The following RIMBP2 variants were observed in gnomAD, a reference collection of about 807,000 sequenced individuals.
RIMBP2 encodes RIMS binding protein 2, also known as RIMS-binding protein 2.
Under a neutral mutation model 118.6 loss-of-function variants are expected in RIMBP2, and 48 were observed. The observed-to-expected ratio is 0.40, with a 90% CI of 0.32 to 0.51. The LOEUF (loss-of-function observed/expected upper bound fraction) is 0.51. Among genes scored for constraint, RIMBP2 ranks in the 20% least tolerant of loss-of-function variants. RIMBP2 has a pLI of 0.41. For missense variants in RIMBP2, 1,551 were observed against 1,768.3 expected (o/e 0.88, Z 2.20); for synonymous variants, 762 against 742.9 (o/e 1.03, Z -0.42).
chr12:130,651,542 G>A (rs34265609), intron 1 of RIMBP2: 24,119 of 152,218 alleles, frequency 0.16, 2,368 homozygotes, highest in Non-Finnish European at 0.22. Context: ...GCCTGCCCAC[G>A]GCACAGCCGT....
At chr12:130,524,585 T>C (rs2052561046) in intron 2 of RIMBP2, among the ~76,000 whole-genome samples, 2 of 152,204 alleles carry the variant, frequency 1.3e-5, no homozygotes, top group South Asian at 4.1e-4. Flanking sequence ...GAGGAGTTTG[T>C]ACTTTATTTA....
intron 2 of RIMBP2, among the ~76,000 whole-genome samples, chr12:130,522,806 G>C (rs893033549): frequency 1.3e-5 from 2 of 152,116 alleles, no homozygotes; most frequent in Non-Finnish European, 2.9e-5. Flanking sequence ...CCCCAAATTC[G>C]TACTTTGAAG....
chr12:130,537,815 G>T (rs1336316191), intron 2 of RIMBP2, among the ~76,000 whole-genome samples: 7 of 152,206 alleles, frequency 4.6e-5, no homozygotes, highest in Admixed American at 4.6e-4. Context: ...GCCTAGCATG[G>T]AGAAGTCATT....
intron 14 of RIMBP2, among the ~76,000 whole-genome samples, chr12:130,433,809 C>A: frequency 6.6e-6 from 1 of 152,222 alleles, no homozygotes; most frequent in East Asian, 1.9e-4. Flanking sequence ...AGACAGAACT[C>A]AGACCCCTGA....
chr12:130,590,131 C>A (rs2059163784), intron 2 of RIMBP2, among the ~76,000 whole-genome samples: 1 of 152,196 alleles, frequency 6.6e-6, no homozygotes, highest in East Asian at 1.9e-4. Flanking sequence ...GGAAGGCAAT[C>A]CCCACACCCA....
chr12:130,467,546 T>A (rs956101162), intron 6 of RIMBP2, among the ~76,000 whole-genome samples: 2 of 152,158 alleles, frequency 1.3e-5, no homozygotes, highest in African/African-American at 4.8e-5. Flanking sequence ...CTCCAAATTC[T>A]CAGGAAGACT....
chr12:130,494,870 C>G (rs1228933297), intron 4 of RIMBP2, among the ~76,000 whole-genome samples: 1 of 152,198 alleles, frequency 6.6e-6, no homozygotes, highest in African/African-American at 2.4e-5. Flanking sequence ...AGTGTCCTCT[C>G]ACAGCCCTGG....
At chr12:130,463,830 A>G (rs2080219560) in intron 6 of RIMBP2, among the ~76,000 whole-genome samples, 4 of 152,048 alleles carry the variant, frequency 2.6e-5, no homozygotes, top group Admixed American at 2.6e-4. Flanking sequence ...CACAAGATAC[A>G]GGTCTCAAAG....
intron 2 of RIMBP2, among the ~76,000 whole-genome samples, chr12:130,602,176 G>A (rs2059917351): frequency 6.6e-6 from 1 of 152,212 alleles, no homozygotes; most frequent in African/African-American, 2.4e-5. Flanking sequence ...TTTATACAGT[G>A]CTAACTTGTG....
At chr12:130,693,724 C>T (rs561691943) in intron 1 of RIMBP2, among the ~76,000 whole-genome samples, 1 of 152,332 alleles carries the variant, frequency 6.6e-6, no homozygotes, top group Admixed American at 6.5e-5. Context: ...TAGGGTGGCA[C>T]ATGACAGCTC....
At chr12:130,501,074 G>A (rs746109213) in intron 4 of RIMBP2, among the ~76,000 whole-genome samples, 6 of 152,250 alleles carry the variant, frequency 3.9e-5, no homozygotes, top group South Asian at 4.1e-4. Context: ...AGGCTTCCCT[G>A]TCACAGCAGA....
At chr12:130,564,876 T>A (rs2057102999) in intron 2 of RIMBP2, among the ~76,000 whole-genome samples, 1 of 152,188 alleles carries the variant, frequency 6.6e-6, no homozygotes, top group Non-Finnish European at 1.5e-5. Context: ...TCAATTTAAG[T>A]GTTCTTACCA....
At chr12:130,501,426 G>C (rs1266402671) in intron 4 of RIMBP2, among the ~76,000 whole-genome samples, 1 of 152,182 alleles carries the variant, frequency 6.6e-6, no homozygotes, top group Non-Finnish European at 1.5e-5. Flanking sequence ...AGGTAGGAGG[G>C]TAAGAGATGG....
At chr12:130,707,111 G>A (rs2632609) in intron 1 of RIMBP2, among the ~76,000 whole-genome samples, 85,689 of 152,138 alleles carry the variant, frequency 0.56, 27,589 homozygotes, top group Non-Finnish European at 0.74. Context: ...GAAGCAGGCC[G>A]GGGTATACAC....
intron 15 of RIMBP2, chr12:130,425,952 T>C (rs1333176716): frequency 1.3e-5 from 2 of 152,342 alleles, no homozygotes; most frequent in African/African-American, 4.8e-5. Flanking sequence ...TGAGGAGGCA[T>C]CGGGGCACAC....
rs537216386 is a variant in RIMBP2 at position 130,593,629 on chromosome 12, G to A, written c.-217+34693C>T. On this transcript the variant is annotated intron_variant, in intron 2 of 22. Transcript: ENST00000690449. Reference sequence around the variant, plus strand: ...TCTGTTCTTGCAGGAGCCATTCCACGTCATGCATGTCCAGTCTGATTTTAT... The same window carrying A: ...TCTGTTCTTGCAGGAGCCATTCCACATCATGCATGTCCAGTCTGATTTTAT... Among the ~76,000 whole-genome samples, 135 of 152,308 alleles carry A rather than the reference G, an allele frequency of 8.9e-4. 2 individuals carry two copies. Among genetic ancestry groups the A allele is most frequent in the South Asian group, 6.2e-4 (3 of 4,822 alleles).
chr12:130,613,768 C>T (rs891562777), intron 2 of RIMBP2, among the ~76,000 whole-genome samples: 2 of 147,368 alleles, frequency 1.4e-5, no homozygotes, highest in Middle Eastern at 3.5e-3. Flanking sequence ...GAGCCAAGAT[C>T]GCACCACTGC....
intron 2 of RIMBP2, among the ~76,000 whole-genome samples, chr12:130,610,694 G>A (rs2140578938): frequency 6.6e-6 from 1 of 150,706 alleles, no homozygotes; most frequent in African/African-American, 2.4e-5. Flanking sequence ...CCAAGTAGCT[G>A]GGACTACAGG....
At chr12:130,404,861 A>G (rs2136334357) in intron 21 of RIMBP2, among the ~76,000 whole-genome samples, 1 of 152,338 alleles carries the variant, frequency 6.6e-6, no homozygotes, top group Middle Eastern at 3.4e-3. Flanking sequence ...GACAGCATGG[A>G]GTAGTGTTAA....
Sources: gnomAD v4.1 joint callset for allele counts (sites outside exome capture counted in the v4.1 genomes callset) on GRCh38, gnomAD v4.1.1 for gene constraint, MANE v1.5 for transcripts, NCBI Gene and HGNC (gene_info 2026-07-23, HGNC 2026-07-21) for gene names.